The following GRIN2A variants were observed in gnomAD, a reference collection of about 807,000 sequenced individuals.
GRIN2A encodes glutamate ionotropic receptor NMDA type subunit 2A.
In GRIN2A, 22 loss-of-function variants were observed where a neutral mutation model predicts 113.4. The observed-to-expected ratio is 0.19, with a 90% CI of 0.14 to 0.28. The LOEUF (loss-of-function observed/expected upper bound fraction) is 0.28. Among genes scored for constraint, GRIN2A ranks in the 10% least tolerant of loss-of-function variants. GRIN2A has a pLI of 1.00. For missense variants in GRIN2A, 1,502 were observed against 1,887.0 expected (o/e 0.80, Z 3.78); for synonymous variants, 827 against 738.4 (o/e 1.12, Z -1.94).
In GRIN2A at chr16:9,806,321, A is replaced by C. The variant is rs569502307; in HGVS notation, c.2169-7857T>G. Among the ~76,000 whole-genome samples, 63 of 152,344 alleles carry C rather than the reference A, an allele frequency of 4.1e-4. 1 individual carries two copies. The highest frequency in any genetic ancestry group is 1.5e-5 in the Non-Finnish European group (1 of 68,030). ...TTTCTCCTGGGTCAAAATTGTACAG[A>C]GATCCAAAATTAGCTAAGAAGATTT... is the stretch of plus-strand genomic sequence containing the variant. On this transcript the variant is annotated intron_variant, in intron 10 of 12. Coordinates refer to ENST00000330684, the MANE Select transcript of GRIN2A (RefSeq NM_001134407.3).
intron 10 of GRIN2A, among the ~76,000 whole-genome samples, chr16:9,803,014 TA>T (rs1214644969): frequency 1.1e-4 from 15 of 134,018 alleles, no homozygotes; most frequent in Admixed American, 2.9e-4. Context: ...TTCCTGTTGT[TA>T]AAAAGAAAAA....
intron 11 of GRIN2A, among the ~76,000 whole-genome samples, chr16:9,792,079 T>TTGTGTG (rs71400495): frequency 7.1e-5 from 8 of 112,256 alleles, no homozygotes; most frequent in South Asian, 2.6e-4. Flanking sequence ...TGAAGTAAAA[T>TTGTGTG]TGTGTGTGTG....
intron 2 of GRIN2A, among the ~76,000 whole-genome samples, chr16:10,126,056 C>G (rs7189701): frequency 0.014 from 2,069 of 152,216 alleles, 58 homozygotes; most frequent in African/African-American, 0.048. Context: ...CTCCTTCCAA[C>G]TGCACTGTTT....
chr16:10,018,217 G>A (rs2046645843), intron 2 of GRIN2A, among the ~76,000 whole-genome samples: 1 of 152,172 alleles, frequency 6.6e-6, no homozygotes, highest in African/African-American at 2.4e-5. Flanking sequence ...AGATGCACGT[G>A]GGCCATTTCA....
intron 2 of GRIN2A, among the ~76,000 whole-genome samples, chr16:10,039,818 A>AGAGAGAGAGAGAGAGAGAGAGG (rs2047116735): frequency 8.4e-6 from 1 of 119,256 alleles, no homozygotes; most frequent in Non-Finnish European, 1.8e-5. Context: ...GGAGAAAGAG[A>AGAGAGAGAGAGAGAGAGAGAGG]GAGAGAGAGA....
At chr16:10,057,656 C>T (rs1479033806) in intron 2 of GRIN2A, among the ~76,000 whole-genome samples, 2 of 152,014 alleles carry the variant, frequency 1.3e-5, no homozygotes, top group Non-Finnish European at 2.9e-5. Context: ...AAAATCACTT[C>T]CCAAAGAGGC....
chr16:10,181,787 C>G (rs1304609271), intron 1 of GRIN2A, 90 bp downstream of exon 1: 1 of 152,974 alleles, frequency 6.5e-6, no homozygotes, highest in Admixed American at 6.5e-5. Context: ...TTCCCTCTCC[C>G]TCTCTAGCCT....
intron 2 of GRIN2A, among the ~76,000 whole-genome samples, chr16:9,989,164 C>A (rs2046048706): frequency 6.6e-6 from 1 of 152,116 alleles, no homozygotes; most frequent in African/African-American, 2.4e-5. Flanking sequence ...GCTACAGTAA[C>A]CCAAACAGCA....
At chr16:10,023,187 C>T (rs2046757305) in intron 2 of GRIN2A, among the ~76,000 whole-genome samples, 1 of 152,138 alleles carries the variant, frequency 6.6e-6, no homozygotes, top group South Asian at 2.1e-4. Context: ...TGGCAACAAA[C>T]AAAAAGAGGG....
rs186995287 is a variant in GRIN2A, at chr16:10,041,846, C to A, written c.415-103295G>T. Reference sequence around the variant, plus strand: ...TCAGTGAAGTCTTTCCATGAATATGCTAATTGGAAGTAAACCACCTCCTTC... The same window carrying A: ...TCAGTGAAGTCTTTCCATGAATATGATAATTGGAAGTAAACCACCTCCTTC... On this transcript the variant is annotated intron_variant, in intron 2 of 12. Transcript: ENST00000330684. 5.4e-3 allele frequency among the ~76,000 whole-genome samples: 815 copies of A among 152,330 alleles called. 11 individuals carry two copies. The highest frequency in any genetic ancestry group is 0.019 in the African/African-American group (783 of 41,582).
intron 2 of GRIN2A, among the ~76,000 whole-genome samples, chr16:9,986,053 G>A (rs2045974875): frequency 6.6e-6 from 1 of 152,174 alleles, no homozygotes; most frequent in Admixed American, 6.5e-5. Flanking sequence ...ACAATATGAT[G>A]TTTTTATATA....
intron 11 of GRIN2A, among the ~76,000 whole-genome samples, chr16:9,795,129 A>G (rs1902896724): frequency 6.6e-6 from 1 of 152,206 alleles, no homozygotes; most frequent in South Asian, 2.1e-4. Flanking sequence ...AATGAGGCTG[A>G]GACCTACTGG....
At chr16:10,045,091 C>T (rs2141970271) in intron 2 of GRIN2A, among the ~76,000 whole-genome samples, 1 of 152,276 alleles carries the variant, frequency 6.6e-6, no homozygotes, top group East Asian at 1.9e-4. Context: ...TGGGGAGGAT[C>T]TTTAGTTGAT....
At chr16:10,140,960 A>G (rs2049314858) in intron 2 of GRIN2A, among the ~76,000 whole-genome samples, 1 of 152,166 alleles carries the variant, frequency 6.6e-6, no homozygotes, top group Non-Finnish European at 1.5e-5. Flanking sequence ...TTTGGAGGCC[A>G]AGGTGGGAGG....
At chr16:9,802,141 A>G (rs1335465488) in intron 10 of GRIN2A, among the ~76,000 whole-genome samples, 2 of 151,924 alleles carry the variant, frequency 1.3e-5, no homozygotes, top group Non-Finnish European at 2.9e-5. Context: ...TAGTGCAACC[A>G]TTGTGGAAAG....
chr16:9,940,795 A>G (rs144219684), intron 2 of GRIN2A, among the ~76,000 whole-genome samples: 226 of 152,320 alleles, frequency 1.5e-3, no homozygotes, highest in African/African-American at 5.0e-3. Flanking sequence ...ATCTCAATGT[A>G]TCCTTTATTG....
chr16:9,919,130 G>A (rs1225210284), intron 3 of GRIN2A, among the ~76,000 whole-genome samples: 2 of 152,108 alleles, frequency 1.3e-5, no homozygotes, highest in Admixed American at 1.3e-4. Context: ...CCTGGATCAC[G>A]CCCCTGCACT....
chr16:10,155,975 C>G (rs2049685385), intron 2 of GRIN2A, among the ~76,000 whole-genome samples: 1 of 152,122 alleles, frequency 6.6e-6, no homozygotes, highest in Admixed American at 6.5e-5. Context: ...TTCAAAGGCT[C>G]AAAGGACTTC....
intron 11 of GRIN2A, among the ~76,000 whole-genome samples, chr16:9,774,862 C>G (rs1901500152): frequency 6.6e-6 from 1 of 152,158 alleles, no homozygotes; most frequent in South Asian, 2.1e-4. Flanking sequence ...TGGGATGGAC[C>G]ACATAATGCT....
Sources: gnomAD v4.1 joint callset for allele counts (sites outside exome capture counted in the v4.1 genomes callset) on GRCh38, gnomAD v4.1.1 for gene constraint, MANE v1.5 for transcripts, NCBI Gene and HGNC (gene_info 2026-07-23, HGNC 2026-07-21) for gene names.